The following SOX6 variants were observed in gnomAD, a reference collection of about 807,000 sequenced individuals.
SOX6 encodes the protein SRY-box transcription factor 6.
In SOX6, 11 loss-of-function variants were observed where a neutral mutation model predicts 97.8. That is an observed-to-expected ratio of 0.11 (90% CI 0.07 to 0.19). SOX6 has a LOEUF of 0.19. Among genes scored for constraint, SOX6 ranks in the 10% least tolerant of loss-of-function variants. The probability of loss-of-function intolerance (pLI) is 1.00; values close to 1 mark genes in which losing one functional copy is unlikely to be tolerated. For missense variants in SOX6, 810 were observed against 1,039.5 expected (o/e 0.78, Z 3.04); for synonymous variants, 360 against 371.4 (o/e 0.97, Z 0.35).
At chr11:16,655,855 C>T (rs1264230802) in intron 3 of SOX6, among the ~76,000 whole-genome samples, 1 of 151,938 alleles carries the variant, frequency 6.6e-6, no homozygotes, top group Non-Finnish European at 1.5e-5. Flanking sequence ...GTGGCATACA[C>T]CTACTTGAGA....
chr11:16,438,802 C>T (rs1368678574), intron 1 of SOX6, among the ~76,000 whole-genome samples: 2 of 149,908 alleles, frequency 1.3e-5, no homozygotes, highest in African/African-American at 5.1e-5. Context: ...AAATCTTGAG[C>T]AACCTTTATA....
At chr11:16,400,273 T>C (rs1355973700) in intron 1 of SOX6, among the ~76,000 whole-genome samples, 1 of 151,386 alleles carries the variant, frequency 6.6e-6, no homozygotes, top group Non-Finnish European at 1.5e-5. Flanking sequence ...AGAACAGCAT[T>C]AGAGAGAACA....
intron 9 of SOX6, among the ~76,000 whole-genome samples, chr11:16,086,134 C>T (rs1256353912): frequency 1.3e-5 from 2 of 152,164 alleles, no homozygotes; most frequent in African/African-American, 4.8e-5. Flanking sequence ...TGTTTCTATA[C>T]TAGCCACTTT....
chr11:16,589,264 A>G (rs921792117), intron 4 of SOX6, among the ~76,000 whole-genome samples: 1 of 152,154 alleles, frequency 6.6e-6, no homozygotes, highest in African/African-American at 2.4e-5. Context: ...ACATCCTAGG[A>G]GTATACTACA....
chr11:16,332,811 T>C (rs1856346997), intron 2 of SOX6, among the ~76,000 whole-genome samples: 1 of 152,162 alleles, frequency 6.6e-6, no homozygotes, highest in Non-Finnish European at 1.5e-5. Flanking sequence ...TGTCATCACA[T>C]TGAAAGCTGT....
intron 4 of SOX6, among the ~76,000 whole-genome samples, chr11:16,211,639 G>C (rs1852236966): frequency 6.6e-6 from 1 of 152,062 alleles, no homozygotes; most frequent in South Asian, 2.1e-4. Flanking sequence ...GGTCATGAAA[G>C]GTTACAACCA....
At chr11:16,501,905 G>T (rs1052428255) in intron 4 of SOX6, among the ~76,000 whole-genome samples, 3 of 152,170 alleles carry the variant, frequency 2.0e-5, no homozygotes, top group Non-Finnish European at 4.4e-5. Context: ...TCAGTGTGGC[G>T]ATTCCTCAGG....
rs369066890 is a variant in SOX6 at position 15,986,414 on chromosome 11, C to A, written c.1973G>T (p.Arg658Leu). ...CTCCTGGTTGGACATTGATTTCCAG[C>A]GAGATCCTAGAAATAAAAATAGCCT... ...NSNISKILGS[R>L]WKSMSNQEKQ... Residue 658 changes from arginine (R) to leucine (L), a missense_variant, in exon 15 of 16, where the codon CGC becomes CTC. By Grantham distance (102) the Arg-to-Leu change is moderately radical. Transcript: ENST00000683767. 6.2e-7 allele frequency: 1 copy of A among 1,613,804 alleles called. No individual in the cohort carries two copies. The highest frequency in any genetic ancestry group is 8.5e-7 in the Non-Finnish European group (1 of 1,179,930).
intron 4 of SOX6, among the ~76,000 whole-genome samples, chr11:16,523,903 A>G (rs1427968207): frequency 2.6e-5 from 4 of 152,240 alleles, no homozygotes; most frequent in Non-Finnish European, 2.9e-5. Context: ...TAAATTCCTC[A>G]ACACATACAC....
At chr11:16,727,882 C>A (rs1458486918) in intron 2 of SOX6, among the ~76,000 whole-genome samples, 1 of 151,914 alleles carries the variant, frequency 6.6e-6, no homozygotes, top group Non-Finnish European at 1.5e-5. Context: ...AGGATTATTA[C>A]CCACTAATTT....
intron 2 of SOX6, among the ~76,000 whole-genome samples, chr11:16,732,022 C>T (rs550075285): frequency 6.6e-6 from 1 of 152,252 alleles, no homozygotes; most frequent in Non-Finnish European, 1.5e-5. Context: ...CCCAGGAATA[C>T]AACTTAGAAT....
chr11:16,298,223 T>C (rs2134269423), intron 3 of SOX6, among the ~76,000 whole-genome samples: 1 of 152,314 alleles, frequency 6.6e-6, no homozygotes, highest in East Asian at 1.9e-4. Flanking sequence ...ATAGAAATTA[T>C]ACAGTTAAAA....
chr11:16,449,406 C>T (rs1162765898), intron 1 of SOX6, among the ~76,000 whole-genome samples: 2 of 149,520 alleles, frequency 1.3e-5, no homozygotes, highest in African/African-American at 2.5e-5. Flanking sequence ...CATTCTCCTG[C>T]CTCCGCCTCC....
chr11:16,421,304 T>C (rs754990769), intron 1 of SOX6, among the ~76,000 whole-genome samples: 1 of 152,038 alleles, frequency 6.6e-6, no homozygotes, highest in Non-Finnish European at 1.5e-5. Flanking sequence ...TTGAGTCTCA[T>C]AGAAAAAATG....
rs527891892 is a variant in SOX6, at chr11:16,133,833, C to A, written c.778-21910G>T. ...CCTCATGAGTAGCTGGGATGACAGG[C>A]GCCCTCCACCATGCCCAGCTAATTT... On this transcript the variant is annotated intron_variant, in intron 6 of 15. Coordinates refer to ENST00000683767, the MANE Select transcript of SOX6 (RefSeq NM_001367873.1). Among the ~76,000 whole-genome samples the A allele has an allele frequency of 2.4e-4, 36 of 152,230 alleles. No homozygotes were observed. In the South Asian group the frequency reaches 7.5e-3, roughly 32 times the overall value.
intron 9 of SOX6, among the ~76,000 whole-genome samples, chr11:16,091,080 T>C (rs1848676215): frequency 6.6e-6 from 1 of 151,976 alleles, no homozygotes; most frequent in African/African-American, 2.4e-5. Flanking sequence ...TCCAAAGTTC[T>C]AATTCCATAA....
At chr11:16,312,121 C>T (rs903257058) in intron 3 of SOX6, 3 of 152,108 alleles carry the variant, frequency 2.0e-5, no homozygotes, top group African/African-American at 7.2e-5. Flanking sequence ...TTCCACTGGG[C>T]AAATACTCTA....
chr11:16,290,143 A>G (rs541246280), intron 3 of SOX6, among the ~76,000 whole-genome samples: 10 of 152,126 alleles, frequency 6.6e-5, no homozygotes, highest in African/African-American at 2.2e-4. Flanking sequence ...GACTATCAAG[A>G]AAGTGTCTTC....
intron 2 of SOX6, among the ~76,000 whole-genome samples, chr11:16,729,511 T>G (rs1848332971): frequency 6.6e-6 from 1 of 152,104 alleles, no homozygotes. Flanking sequence ...ATAAAATCCT[T>G]TACAGAGAAG....
Sources: gnomAD v4.1 joint callset for allele counts (sites outside exome capture counted in the v4.1 genomes callset) on GRCh38, gnomAD v4.1.1 for gene constraint, MANE v1.5 for transcripts, NCBI Gene and HGNC (gene_info 2026-07-23, HGNC 2026-07-21) for gene names.